Variants in PLOD3 observed in about 807,000 individuals in gnomAD.
The protein encoded by PLOD3 is procollagen-lysine,2-oxoglutarate 5-dioxygenase 3, also known as multifunctional procollagen lysine hydroxylase and glycosyltransferase LH3.
In PLOD3, 73 loss-of-function variants were observed where a neutral mutation model predicts 96.9. The observed-to-expected ratio is 0.75, with a 90% CI of 0.62 to 0.92. The LOEUF (loss-of-function observed/expected upper bound fraction) is 0.92, where lower values mean the gene tolerates loss of function less well. PLOD3 is among the 40% of genes least tolerant of loss of function. The probability of loss-of-function intolerance (pLI) is 0.00; values close to 1 mark genes in which losing one functional copy is unlikely to be tolerated. For synonymous variants in PLOD3, 454 were observed against 413.7 expected (o/e 1.10, Z -1.18); for missense variants, 1,004 against 1,004.3 (o/e 1.00, Z 0.00).
intron 5 of PLOD3, among the ~76,000 whole-genome samples, chr7:101,215,555 G>C (rs752250085): frequency 1.3e-5 from 2 of 152,036 alleles, no homozygotes; most frequent in Non-Finnish European, 2.9e-5. Flanking sequence ...ACCCAGGCTG[G>C]AATGCAGTGG....
Position 101,206,177 on chromosome 7 carries a change from A to T in PLOD3, c.*104T>A. 1 of 1,159,004 alleles carries T rather than the reference A, an allele frequency of 8.6e-7. No homozygotes were observed. 71.8% of individuals were successfully genotyped at this position (1,159,004 alleles called of 1,614,324 possible). On this transcript the variant is annotated 3_prime_UTR_variant, in exon 19 of 19. Coordinates refer to ENST00000223127, the MANE Select transcript of PLOD3 (RefSeq NM_001084.5). The stretch of plus-strand genomic sequence containing the variant: ...GTTCAGGCACGCGGAACATGAACTC[A>T]GGAAGTGGGGAGACAGAGAGACCCA...
At position 101,215,077 on chromosome 7, in the gene PLOD3, C is replaced by T; in HGVS notation, c.679+12G>A. 1.2e-6 allele frequency: 2 copies of T among 1,605,836 alleles called. No homozygotes were observed. The highest frequency in any genetic ancestry group is 1.7e-6 in the Non-Finnish European group (2 of 1,172,324). On this transcript the variant is annotated intron_variant, in intron 6 of 18. Coordinates refer to ENST00000223127, the MANE Select transcript of PLOD3 (RefSeq NM_001084.5). ...CTGCGCATCGCCCACCTGCGGCTGT[C>T]TTCCTCCTCACCTAAAGCCCCGTTG...
intron 15 of PLOD3, 102 bp from the exon 16 acceptor site, chr7:101,209,059 G>T (rs1798136983): frequency 3.4e-6 from 3 of 891,566 alleles, no homozygotes; most frequent in African/African-American, 3.3e-5. Context: ...AGCAGGGAAG[G>T]CTTTGTGAGA....
intron 6 of PLOD3, 88 bp downstream of exon 6, chr7:101,215,001 G>T: frequency 1.0e-6 from 1 of 994,904 alleles, no homozygotes; most frequent in Non-Finnish European, 1.6e-6. Flanking sequence ...GCTTGGATCA[G>T]CCCAGCTCCT....
intron 6 of PLOD3, chr7:101,213,473 A>T (rs894504678): frequency 2.0e-4 from 106 of 524,008 alleles, no homozygotes; most frequent in Admixed American, 1.6e-4. Context: ...GAGCCTCAGC[A>T]TCCCTACCCC....
At chr7:101,207,318 A>T (rs1798103614) in intron 17 of PLOD3, among the ~76,000 whole-genome samples, 2 of 149,746 alleles carry the variant, frequency 1.3e-5, no homozygotes, top group South Asian at 4.4e-4. Context: ...CTGTCCAGGG[A>T]GGGGAGGGGA....
At chr7:101,214,350 C>G (rs772668797) in intron 6 of PLOD3, among the ~76,000 whole-genome samples, 12 of 151,436 alleles carry the variant, frequency 7.9e-5, no homozygotes, top group Non-Finnish European at 7.4e-5. Context: ...AGGCTGGTCT[C>G]AAACTCCTGA....
chr7:101,217,394 G>A lies in PLOD3; in HGVS notation c.-120C>T. On this transcript the variant is annotated 5_prime_UTR_variant, in exon 1 of 19. Transcript: ENST00000223127. Reference sequence around the variant, plus strand: ...TCGGGCTGCTGTGCGGCCGCCGCGGGGAGCAGCTTGGCTGGGGCTACGCCC... The same window carrying A: ...TCGGGCTGCTGTGCGGCCGCCGCGGAGAGCAGCTTGGCTGGGGCTACGCCC... 9.8e-7 allele frequency: 1 copy of A among 1,020,618 alleles called. No individual in the cohort carries two copies. The highest frequency in any genetic ancestry group is 3.8e-5 in the Admixed American group (1 of 26,564). 63.2% of individuals were successfully genotyped at this position (1,020,618 alleles called of 1,614,324 possible). A position where few individuals can be genotyped will look rare whatever the true frequency, so the allele number is the denominator to read the frequency against.
In PLOD3 at chr7:101,206,830, T is replaced by A; in HGVS notation, c.2010A>T (p.Ser670=). ...EQPSLRPHHD[S]STFTLNVALN... ...GGGCAACGTTGAGGGTGAAGGTGGA[T>A]GAGTCGTGGTGTGGCCGCAGAGACG... is the stretch of plus-strand genomic sequence containing the variant. Residue 670 remains serine (S), a synonymous_variant, in exon 18 of 19, where the codon TCA becomes TCT. Transcript: ENST00000223127. The A allele has an allele frequency of 6.3e-7, 1 of 1,576,102 alleles. No homozygotes were observed. Among genetic ancestry groups the A allele is most frequent in the Non-Finnish European group, 8.6e-7 (1 of 1,160,608 alleles).
At chr7:101,207,336 C>T (rs1368994241) in intron 17 of PLOD3, among the ~76,000 whole-genome samples, 3 of 152,004 alleles carry the variant, frequency 2.0e-5, no homozygotes, top group Admixed American at 6.6e-5. Flanking sequence ...GGAGGGGCGG[C>T]GGGACCCCTG....
At position 101,216,210 on chromosome 7, in the gene PLOD3, T is replaced by C. The variant is rs767805406; in HGVS notation, c.455A>G (p.Glu152Gly). 1.2e-6 allele frequency: 2 copies of C among 1,613,902 alleles called. No individual in the cohort carries two copies. Among genetic ancestry groups the C allele is most frequent in the South Asian group, 1.1e-5 (1 of 91,088 alleles). The change falls in exon 4 of 19, where the codon GAG becomes GGG. Residue 152 changes from glutamate (E) to glycine (G), a missense_variant. Around this residue, in one of 5 missense-constraint regions of PLOD3, gnomAD observed 690 missense variants for 650.2 expected, o/e 1.06. Coordinates refer to ENST00000223127, the MANE Select transcript of PLOD3 (RefSeq NM_001084.5). ...CCCCGTGCCCACCTCAGGGTACTGC[T>C]CCGCCAGCCCCCACTCGGGCCAGCA... ...SFCWPEWGLA[E>G]QYPEVGTGKR... is the part of the protein sequence containing the mutation.
intron 17 of PLOD3, 52 bp downstream of exon 17, chr7:101,207,524 GTC>G: frequency 6.3e-7 from 1 of 1,589,258 alleles, no homozygotes. Context: ...GAGACTTCCT[GTC>G]CGGGACTGGG....
intron 15 of PLOD3, among the ~76,000 whole-genome samples, chr7:101,209,600 C>T (rs1257734527): frequency 1.3e-5 from 2 of 148,738 alleles, no homozygotes; most frequent in African/African-American, 5.0e-5. Flanking sequence ...CCATGTTGGC[C>T]AGGCTGGTCT....
At chr7:101,211,523 T>C (rs1798179965) in intron 12 of PLOD3, 68 bp downstream of exon 12, 1 of 1,518,874 alleles carries the variant, frequency 6.6e-7, no homozygotes. Context: ...CCCCTGAGAG[T>C]AGGGGGCTTG....
In PLOD3 at chr7:101,209,962, T is replaced by G. The variant is rs1202020237; in HGVS notation, c.1683+131A>C. The G allele has an allele frequency of 4.9e-6, 3 of 610,880 alleles. No individual in the cohort carries two copies. The East Asian group carries it at 8.3e-5, about 17-fold the overall frequency. The allele number at this position is 610,880 out of a possible 1,614,324, so 37.8% of individuals were successfully genotyped here. A position where few individuals can be genotyped will look rare whatever the true frequency, so the allele number is the denominator to read the frequency against. On this transcript the variant is annotated intron_variant, in intron 15 of 18. Transcript: ENST00000223127. The stretch of plus-strand genomic sequence containing the variant: ...AGTCCTTTCTGTTCGGCCTCTGCCT[T>G]CATCTTGTCTGAACAGAAAACCCTC...
chr7:101,217,432 G>A lies in PLOD3; in HGVS notation c.-158C>T. ...TGGGGCTACGCCCTGAAAAAAAGGC[G>A]TATCCGGAGGCTACAGAAAGCTCCA... On this transcript the variant is annotated 5_prime_UTR_variant, in exon 1 of 19. In the 5' UTR this introduces an upstream ATG that the reference lacks. Coordinates refer to ENST00000223127, the MANE Select transcript of PLOD3 (RefSeq NM_001084.5). The A allele has an allele frequency of 1.6e-6, 1 of 636,606 alleles. No individual in the cohort carries two copies. The highest frequency in any genetic ancestry group is 2.4e-6 in the Non-Finnish European group (1 of 419,356). 39.4% of individuals were successfully genotyped at this position (636,606 alleles called of 1,614,324 possible).
Position 101,210,917 on chromosome 7 carries a change from G to C in PLOD3, c.1359-244C>G, listed in dbSNP as rs966466557. On this transcript the variant is annotated intron_variant, in intron 12 of 18. Transcript: ENST00000223127. ...GGTTTTTGAGACGGAGTCTTGCTCT[G>C]TCACCCAGGCTGGAATGCAGTGGTG... 22 of 505,588 alleles carry C rather than the reference G, an allele frequency of 4.4e-5. No individual in the cohort carries two copies. In the East Asian group the frequency reaches 5.8e-4, roughly 13 times the overall value. The allele number at this position is 505,588 out of a possible 1,614,324, so 31.3% of individuals were successfully genotyped here.
intron 6 of PLOD3, 69 bp downstream of exon 6, chr7:101,215,020 C>T: frequency 8.4e-7 from 1 of 1,193,036 alleles, no homozygotes; most frequent in Non-Finnish European, 1.3e-6. Flanking sequence ...CTCCAGAAGC[C>T]TCTCCCAGCT....
intron 3 of PLOD3, 39 bp from the exon 4 acceptor site, chr7:101,216,365 G>T (rs1431553233): frequency 6.2e-7 from 1 of 1,613,618 alleles, no homozygotes; most frequent in Non-Finnish European, 8.5e-7. Flanking sequence ...GGTCCACTGG[G>T]AACCTCAGCA....
Sources: allele counts gnomAD v4.1 joint callset (sites outside exome capture counted in the v4.1 genomes callset), GRCh38; gene constraint gnomAD v4.1.1; regional missense constraint gnomAD v4.1.1; transcripts MANE v1.5; gene names NCBI Gene and HGNC (gene_info 2026-07-23, HGNC 2026-07-21).